The following SBNO2 variants were observed in gnomAD, a reference collection of about 807,000 sequenced individuals.
SBNO2 encodes the protein protein strawberry notch homolog 2.
SBNO2 carries 89 observed loss-of-function variants against 146.3 expected under a neutral mutation model. The observed-to-expected ratio is 0.61, with a 90% CI of 0.51 to 0.73. SBNO2 has a LOEUF of 0.73. SBNO2 is among the 30% of genes least tolerant of loss of function. The pLI is 0.00. For missense variants in SBNO2, 2,092 were observed against 2,003.7 expected (o/e 1.04, Z -0.84); for synonymous variants, 1,147 against 892.6 (o/e 1.29, Z -5.08).
chr19:1,127,184 C>T (rs1290742485), intron 5 of SBNO2, among the ~76,000 whole-genome samples: 1 of 152,222 alleles, frequency 6.6e-6, no homozygotes, highest in Non-Finnish European at 1.5e-5. Flanking sequence ...GCCCGCTGGG[C>T]GCTGCCTCTC....
Position 1,154,262 on chromosome 19 carries a change from C to A in SBNO2, c.15G>T (p.Gly5=). MLAV[G]PAMDRDYPQH... is the part of the protein sequence containing the mutation. ...GCGGGTAATCCCTGTCCATGGCGGG[C>A]CCCACTGCAAGCATCGGGCGGCAGG... The change falls in exon 2 of 32, where the codon GGG becomes GGT. Residue 5 remains glycine (G), a synonymous_variant. Transcript: ENST00000361757. The A allele has an allele frequency of 1.6e-6, 2 of 1,265,442 alleles. No homozygotes were observed. The highest frequency in any genetic ancestry group is 6.0e-5 in the East Asian group (2 of 33,404). 78.4% of individuals were successfully genotyped at this position (1,265,442 alleles called of 1,614,324 possible). A position where few individuals can be genotyped will look rare whatever the true frequency, so the allele number is the denominator to read the frequency against.
chr19:1,117,025 C>T (rs1413430761), intron 15 of SBNO2, 99 bp from the exon 16 acceptor site: 2 of 1,152,466 alleles, frequency 1.7e-6, no homozygotes, highest in African/African-American at 1.5e-5. Flanking sequence ...ATCCCTCACT[C>T]TGCTGCTGTG....
chr19:1,139,876 CAG>C (rs2080119132), intron 4 of SBNO2, among the ~76,000 whole-genome samples: 1 of 152,060 alleles, frequency 6.6e-6, no homozygotes. Flanking sequence ...ACCTGGGAGG[CAG>C]AGTTTGCCAT....
intron 13 of SBNO2, 102 bp downstream of exon 13, chr19:1,119,414 G>C: frequency 1.0e-6 from 1 of 993,154 alleles, no homozygotes; most frequent in Non-Finnish European, 1.5e-6. Context: ...ACCTCTGGGT[G>C]CTGGGGAAGC....
Position 1,156,035 on chromosome 19 carries a change from T to A in SBNO2, c.-126-1633A>T, listed in dbSNP as rs562768455. Among the ~76,000 whole-genome samples the A allele has an allele frequency of 1.1e-4, 17 of 152,238 alleles. No individual in the cohort carries two copies. The South Asian group carries it at 3.1e-3, about 28-fold the overall frequency. On this transcript the variant is annotated intron_variant, in intron 1 of 31. Transcript: ENST00000361757. Reference sequence around the variant, plus strand: ...GGGCAGCAGGGCCCAGGCCCCACGGTGGACGGAGCTTGGGGAGGGGGCACC... The same window carrying A: ...GGGCAGCAGGGCCCAGGCCCCACGGAGGACGGAGCTTGGGGAGGGGGCACC...
Position 1,150,050 on chromosome 19 carries a change from C to T in SBNO2, c.94-608G>A, listed in dbSNP as rs1247526356. On this transcript the variant is annotated intron_variant, in intron 2 of 31. Coordinates refer to ENST00000361757, the MANE Select transcript of SBNO2 (RefSeq NM_014963.3). This position sits in a 1 kb window ranked among gnomAD's most constrained non-coding sequence, Gnocchi z 6.2. ...GGGAGCCTGCTTTGGGAAATGGTGA[C>T]CAGTGGCCTGGAGGCTCAGCCCGAG... 2.6e-5 allele frequency among the ~76,000 whole-genome samples: 4 copies of T among 152,128 alleles called. No homozygotes were observed. Among genetic ancestry groups the T allele is most frequent in the Non-Finnish European group, 4.4e-5 (3 of 67,996 alleles).
intron 1 of SBNO2, among the ~76,000 whole-genome samples, chr19:1,159,987 G>A (rs367572399): frequency 4.6e-4 from 70 of 152,156 alleles, no homozygotes; most frequent in African/African-American, 1.6e-3. Flanking sequence ...CCCTGCCCAC[G>A]CCAGTGCTGC....
intron 7 of SBNO2, 109 bp from the exon 8 acceptor site, chr19:1,123,154 G>T (rs1315166678): frequency 1.6e-6 from 2 of 1,272,952 alleles, no homozygotes; most frequent in Non-Finnish European, 2.2e-6. Context: ...TGGCGGGGCA[G>T]TTTGGGGGCG....
chr19:1,119,804 G>T, intron 12 of SBNO2, 102 bp downstream of exon 12: 1 of 997,404 alleles, frequency 1.0e-6, no homozygotes, highest in Non-Finnish European at 1.5e-6. Flanking sequence ...GGAGCAGGGT[G>T]CAGACGGAGG....
At chr19:1,125,746 T>C (rs930444987) in intron 5 of SBNO2, among the ~76,000 whole-genome samples, 7 of 151,326 alleles carry the variant, frequency 4.6e-5, no homozygotes, top group Non-Finnish European at 8.8e-5. Context: ...CTCAGGCCTG[T>C]GGGAGGCAGA....
In SBNO2 at chr19:1,109,406, G is replaced by A. The variant is rs773486167; in HGVS notation, c.3234C>T (p.Pro1078=). 4 of 1,568,122 alleles carry A rather than the reference G, an allele frequency of 2.6e-6. No individual in the cohort carries two copies. The highest frequency in any genetic ancestry group is 2.3e-5 in the South Asian group (2 of 85,948). ...GGTTCTGCTCCGCCAGCAGGCAGCT[G>A]GGCTTGTTACCGCGGACCTGCGGAG... The part of the protein sequence containing the change: ...YLSYKVRGNK[P]SCLLAEQNRG... The change falls in exon 29 of 32, where the codon CCC becomes CCT. Residue 1078 remains proline, a synonymous_variant. Transcript: ENST00000361757. This position sits in a 1 kb window ranked among gnomAD's most constrained non-coding sequence, Gnocchi z 4.2.
rs199510762 is a variant in SBNO2, at chr19:1,109,587, G to A, written c.3135C>T (p.Asp1045=). Residue 1045 remains aspartate, a synonymous_variant, in exon 28 of 32, where the codon GAC becomes GAT. Coordinates refer to ENST00000361757, the MANE Select transcript of SBNO2 (RefSeq NM_014963.3). This position sits in a 1 kb window ranked among gnomAD's most constrained non-coding sequence, Gnocchi z 4.2. ...GQVVFYKISV[D]RGLKWEDAFA... ...AGGCGTCCTCCCACTTCAGGCCGCG[G>A]TCCACGCTGATCTGCCACGGCACGG... The A allele has an allele frequency of 2.3e-4, 369 of 1,588,484 alleles. No homozygotes were observed. Among genetic ancestry groups the A allele is most frequent in the Non-Finnish European group, 2.6e-4 (308 of 1,169,026 alleles).
chr19:1,118,296 C>T (rs952420956), intron 14 of SBNO2, among the ~76,000 whole-genome samples: 1 of 151,976 alleles, frequency 6.6e-6, no homozygotes, highest in African/African-American at 2.4e-5. Flanking sequence ...CAAGATCGTG[C>T]CATTGCACTC....
chr19:1,129,690 C>A (rs989569261), intron 4 of SBNO2, among the ~76,000 whole-genome samples: 1 of 152,216 alleles, frequency 6.6e-6, no homozygotes, highest in Admixed American at 6.5e-5. Flanking sequence ...ATTTCCCGGG[C>A]AAGGTCAGGG....
chr19:1,133,243 C>T (rs2080051655), intron 4 of SBNO2, among the ~76,000 whole-genome samples: 1 of 152,142 alleles, frequency 6.6e-6, no homozygotes, highest in Non-Finnish European at 1.5e-5. Context: ...CGAGACCGCG[C>T]AGGTGGCCAC....
In SBNO2 at chr19:1,114,391, G is replaced by T; in HGVS notation, c.1917C>A (p.Pro639=). The part of the protein sequence containing the change: ...RRPRGRGAKA[P]RLACETAGVI... The stretch of plus-strand genomic sequence containing the variant: ...CGCCCGCTGTCTCGCACGCCAGCCG[G>T]GGGGCTTTGGCCCCGCGTCCCCGAG... The change falls in exon 18 of 32, where the codon CCC becomes CCA. Residue 639 remains proline, a synonymous_variant. Coordinates refer to ENST00000361757, the MANE Select transcript of SBNO2 (RefSeq NM_014963.3). 2 of 1,549,862 alleles carry T rather than the reference G, an allele frequency of 1.3e-6. No homozygotes were observed. The highest frequency in any genetic ancestry group is 8.7e-7 in the Non-Finnish European group (1 of 1,146,386).
rs2080202810 is a variant in SBNO2, at chr19:1,147,439, G to GGGC, written c.168-20_168-19insGCC. The GGGC allele has an allele frequency of 8.7e-6, 11 of 1,265,174 alleles. No individual in the cohort carries two copies. The highest frequency in any genetic ancestry group is 9.8e-6 in the Non-Finnish European group (9 of 922,508). The allele number at this position is 1,265,174 out of a possible 1,614,324, so 78.4% of individuals were successfully genotyped here. A position where few individuals can be genotyped will look rare whatever the true frequency, so the allele number is the denominator to read the frequency against. ...GAACGGGCTGGAGGGAGATGGGGGGGGGGGAGGTGAGATGGGGTGCTCAAC... is the reference window on the plus strand; with the variant it reads ...GAACGGGCTGGAGGGAGATGGGGGGGGGCGGGGAGGTGAGATGGGGTGCTCAAC... On this transcript the variant is annotated intron_variant, in intron 3 of 31. Coordinates refer to ENST00000361757, the MANE Select transcript of SBNO2 (RefSeq NM_014963.3).
Position 1,112,308 on chromosome 19 carries a change from G to A in SBNO2, c.2516-7C>T, listed in dbSNP as rs758389403. On this transcript the variant is annotated splice_region_variant and splice_polypyrimidine_tract_variant and intron_variant, in intron 21 of 31. Coordinates refer to ENST00000361757, the MANE Select transcript of SBNO2 (RefSeq NM_014963.3). The surrounding 1 kb of genome is among the most constrained non-coding windows in gnomAD (Gnocchi z 5.9). ...TTGGACCGGTGGGTGCGGCCTGGGG[G>A]CAGAGCTGCTCTCAGGGCCCGGCCA... is the stretch of plus-strand genomic sequence containing the variant. 6 of 1,579,846 alleles carry A rather than the reference G, an allele frequency of 3.8e-6. No homozygotes were observed. The highest frequency in any genetic ancestry group is 4.6e-5 in the East Asian group (2 of 43,296).
intron 4 of SBNO2, among the ~76,000 whole-genome samples, chr19:1,130,873 C>T (rs1405141536): frequency 1.3e-5 from 2 of 152,168 alleles, no homozygotes; most frequent in African/African-American, 2.4e-5. Flanking sequence ...GCCTCGAGGC[C>T]CCGCCCTGCT....
Sources: allele counts gnomAD v4.1 joint callset (sites outside exome capture counted in the v4.1 genomes callset), GRCh38; gene constraint gnomAD v4.1.1; non-coding constraint Gnocchi (gnomAD v3.1); transcripts MANE v1.5; gene names NCBI Gene and HGNC (gene_info 2026-07-23, HGNC 2026-07-21).